GSS: variants seen among roughly 807,000 people sequenced by gnomAD.
GSS encodes glutathione synthetase, also known as GSH synthetase.
Under a neutral mutation model 60.4 loss-of-function variants are expected in GSS, and 34 were observed. The ratio of observed to expected loss-of-function variants is 0.56; its 90% CI spans 0.43 to 0.75. The LOEUF is 0.75. Among genes scored for constraint, GSS ranks in the 30% least tolerant of loss-of-function variants. The pLI, the probability that GSS is intolerant of heterozygous loss-of-function variation, is 0.00. For synonymous variants in GSS, 224 were observed against 239.0 expected (o/e 0.94, Z 0.58); for missense variants, 499 against 595.1 (o/e 0.84, Z 1.68).
At chr20:34,950,953 A>G (rs1310231394) in intron 2 of GSS, among the ~76,000 whole-genome samples, 1 of 151,930 alleles carries the variant, frequency 6.6e-6, no homozygotes, top group African/African-American at 2.4e-5. Context: ...TTCCCTAAGG[A>G]TGAGGTTTTA....
rs1261892240 is a variant in GSS at position 34,939,554 on chromosome 20, G to A, written c.608+2159C>T. The stretch of plus-strand genomic sequence containing the variant: ...GAGGCAGATGAATTCTATACTTACC[G>A]GTTGTGTAACTTTGGGCAAGTTATT... On this transcript the variant is annotated intron_variant, in intron 6 of 12. Transcript: ENST00000651619. 3.3e-5 allele frequency among the ~76,000 whole-genome samples: 5 copies of A among 152,260 alleles called. No homozygotes were observed. The East Asian group carries it at 5.8e-4, about 18-fold the overall frequency.
At chr20:34,943,723 G>T (rs1411261057) in intron 3 of GSS, among the ~76,000 whole-genome samples, 2 of 152,102 alleles carry the variant, frequency 1.3e-5, no homozygotes, top group Admixed American at 6.6e-5. Context: ...GACTGCAGTT[G>T]CAATTTTACA....
intron 10 of GSS, 67 bp from the exon 11 acceptor site, chr20:34,931,484 C>G (rs778616244): frequency 2.4e-6 from 3 of 1,272,186 alleles, no homozygotes; most frequent in Non-Finnish European, 3.4e-6. Context: ...TTAGGTCCAG[C>G]TGGTTATGCA....
intron 8 of GSS, among the ~76,000 whole-genome samples, chr20:34,936,381 A>G (rs1489634007): frequency 6.6e-6 from 1 of 152,164 alleles, no homozygotes; most frequent in African/African-American, 2.4e-5. Flanking sequence ...TGGAACACAA[A>G]TCCAGGCTCG....
intron 11 of GSS, among the ~76,000 whole-genome samples, chr20:34,930,464 A>G (rs544795979): frequency 2.5e-4 from 38 of 151,378 alleles, no homozygotes; most frequent in Admixed American, 1.5e-3. Flanking sequence ...CCCTTCCACT[A>G]CCCTCTCACT....
Position 34,931,109 on chromosome 20 carries a change from C to T in GSS, c.1111+227G>A, listed in dbSNP as rs1190823101. 2.0e-5 allele frequency among the ~76,000 whole-genome samples: 3 copies of T among 152,252 alleles called. No homozygotes were observed. The East Asian group carries it at 5.8e-4, about 29-fold the overall frequency. On this transcript the variant is annotated intron_variant, in intron 11 of 12. Transcript: ENST00000651619. ...CTTCCCAACAATCTACCCACAGGCA[C>T]CTCAGGTAAAACTTGTCCAAACCCT...
chr20:34,934,437 C>A (rs1051407205), intron 9 of GSS, among the ~76,000 whole-genome samples: 1 of 151,748 alleles, frequency 6.6e-6, no homozygotes, highest in African/African-American at 2.4e-5. Flanking sequence ...CCACCACGCC[C>A]GGCTAATTTT....
chr20:34,943,117 C>T (rs1017726398), intron 3 of GSS, 111 bp from the exon 4 acceptor site: 4 of 750,186 alleles, frequency 5.3e-6, no homozygotes, highest in Middle Eastern at 2.3e-4. Flanking sequence ...CTGGCCAAAA[C>T]TTGAATGTCC....
intron 6 of GSS, among the ~76,000 whole-genome samples, chr20:34,941,184 G>A (rs999626381): frequency 2.6e-5 from 4 of 152,036 alleles, no homozygotes; most frequent in Non-Finnish European, 5.9e-5. Context: ...GTGAAACCCC[G>A]TCTCTACTAA....
At chr20:34,955,891 A>T (rs34293667), upstream of GSS, 134 of 152,496 alleles carry the variant, frequency 8.8e-4, no homozygotes, top group African/African-American at 3.1e-3. Flanking sequence ...AGTCGAGGCC[A>T]GGAAGGGGCG....
At chr20:34,940,205 G>A (rs1344028427) in intron 6 of GSS, among the ~76,000 whole-genome samples, 1 of 152,144 alleles carries the variant, frequency 6.6e-6, no homozygotes, top group Non-Finnish European at 1.5e-5. Context: ...TGGCTCAGGT[G>A]CCACATAACT....
At chr20:34,933,682 A>G (rs35274316) in intron 9 of GSS, 1 of 152,400 alleles carries the variant, frequency 6.6e-6, no homozygotes, top group East Asian at 1.9e-4. Context: ...CAGGAACCCA[A>G]CTACTAGTCT....
intron 11 of GSS, 37 bp from the exon 12 acceptor site, chr20:34,929,627 C>A (rs764748532): frequency 6.4e-7 from 1 of 1,559,966 alleles, no homozygotes. Context: ...GGACCCTCTG[C>A]CTACCTCCTC....
chr20:34,946,099 C>CTG lies in GSS; in HGVS notation c.130-3_130-2dup. ...GCGTGAATGGGGCATAGCTCACCAC[C>CTG]TGTGATCAAGAAGAGAGAATGGGAC... On this transcript the variant is annotated splice_acceptor_variant, in intron 2 of 12. Transcript: ENST00000651619. LOFTEE classifies it high-confidence loss of function. 6.2e-7 allele frequency: 1 copy of CTG among 1,607,956 alleles called. No individual in the cohort carries two copies. The highest frequency in any genetic ancestry group is 8.5e-7 in the Non-Finnish European group (1 of 1,175,106).
chr20:34,941,117 G>A (rs2081478771), intron 6 of GSS, among the ~76,000 whole-genome samples: 1 of 152,204 alleles, frequency 6.6e-6, no homozygotes, highest in South Asian at 2.1e-4. Flanking sequence ...AGCACTTTGG[G>A]AGGCCAAGGT....
At chr20:34,929,177 G>A (rs1322040817) in intron 12 of GSS, 6 of 697,858 alleles carry the variant, frequency 8.6e-6, no homozygotes, top group Non-Finnish European at 1.5e-5. Context: ...GGTTGCAAAG[G>A]ACTTCTCATC....
intron 1 of GSS, among the ~76,000 whole-genome samples, chr20:34,954,027 T>C (rs1417423014): frequency 2.0e-5 from 3 of 152,140 alleles, no homozygotes; most frequent in Non-Finnish European, 4.4e-5. Context: ...TCTTTATAGG[T>C]AGGAGGAGAC....
At chr20:34,932,218 TATC>T in intron 9 of GSS, 85 bp from the exon 10 acceptor site, 1 of 1,038,192 alleles carries the variant, frequency 9.6e-7, no homozygotes, top group South Asian at 1.3e-5. Context: ...AGGTGCCAGG[TATC>T]ATGATTTGTA....
At position 34,949,171 on chromosome 20, in the gene GSS, T is replaced by C. The variant is rs1277195988; in HGVS notation, c.129+2553A>G. ...GGACTTACTCTGTACTGAATACCCT[T>C]TTGAATTTTGCGCCCTGTTCAAATG... On this transcript the variant is annotated intron_variant, in intron 2 of 12. Coordinates refer to ENST00000651619, the MANE Select transcript of GSS (RefSeq NM_000178.4). Among the ~76,000 whole-genome samples the C allele has an allele frequency of 2.0e-5, 3 of 152,318 alleles. No homozygotes were observed. In the East Asian group the frequency reaches 5.8e-4, roughly 29 times the overall value.
Sources: allele counts gnomAD v4.1 joint callset (sites outside exome capture counted in the v4.1 genomes callset), GRCh38; gene constraint gnomAD v4.1.1; transcripts MANE v1.5; gene names NCBI Gene and HGNC (gene_info 2026-07-23, HGNC 2026-07-21).